Variants in PON2 observed in about 807,000 individuals in gnomAD.
PON2 encodes the protein serum paraoxonase/arylesterase 2.
PON2 carries 27 observed loss-of-function variants against 36.6 expected under a neutral mutation model. The observed-to-expected ratio is 0.74, with a 90% confidence interval of 0.54 to 1.02. PON2 has a LOEUF of 1.02. PON2 is among the 50% of genes least tolerant of loss of function. PON2 has a pLI of 0.00. For synonymous variants in PON2, 149 were observed against 156.3 expected (o/e 0.95, Z 0.35); for missense variants, 363 against 421.1 (o/e 0.86, Z 1.21).
chr7:95,415,970 A>T (rs920228671), intron 3 of PON2: 4 of 568,300 alleles, frequency 7.0e-6, no homozygotes, highest in African/African-American at 1.9e-5. Context: ...AAAAAAAATT[A>T]AAAAAGAAAA....
At chr7:95,410,218 A>G in intron 5 of PON2, 117 bp from the exon 6 acceptor site, 2 of 853,824 alleles carry the variant, frequency 2.3e-6, no homozygotes, top group South Asian at 1.5e-5. Flanking sequence ...TAAGAGGAAA[A>G]GACGAGCTAA....
At chr7:95,421,103 T>A (rs1450973643) in intron 2 of PON2, among the ~76,000 whole-genome samples, 1 of 152,194 alleles carries the variant, frequency 6.6e-6, no homozygotes, top group Non-Finnish European at 1.5e-5. Flanking sequence ...ATTTAACACT[T>A]CACAAGAGGG....
At chr7:95,409,548 T>G (rs1028379455) in intron 6 of PON2, 1 of 152,028 alleles carries the variant, frequency 6.6e-6, no homozygotes, top group Non-Finnish European at 1.5e-5. Flanking sequence ...TACCTGATAC[T>G]TCAATATGTA....
chr7:95,414,218 TA>T (rs1340580166), intron 3 of PON2, among the ~76,000 whole-genome samples: 8 of 152,152 alleles, frequency 5.3e-5, no homozygotes, highest in African/African-American at 1.7e-4. Flanking sequence ...CCTCAACCCA[TA>T]ACTGTAAAAT....
chr7:95,417,716 C>CACACAG (rs1554339543), intron 2 of PON2, among the ~76,000 whole-genome samples: 2,619 of 148,818 alleles, frequency 0.018, 81 homozygotes, highest in African/African-American at 0.061. Flanking sequence ...CACACACACA[C>CACACAG]ACACACACAC....
intron 6 of PON2, among the ~76,000 whole-genome samples, chr7:95,409,312 C>CA (rs1183278823): frequency 2.7e-5 from 4 of 147,036 alleles, no homozygotes; most frequent in East Asian, 4.0e-4. Flanking sequence ...ACTCCATCTC[C>CA]AAAAAACAAA....
chr7:95,423,321 C>CAAA (rs35269697), intron 2 of PON2, among the ~76,000 whole-genome samples: 3 of 71,120 alleles, frequency 4.2e-5, no homozygotes, highest in Admixed American at 1.6e-4. Flanking sequence ...GGCCACCTCT[C>CAAA]AAAAAAAAAA....
intron 2 of PON2, among the ~76,000 whole-genome samples, chr7:95,422,477 T>C (rs1789215729): frequency 6.6e-6 from 1 of 152,232 alleles, no homozygotes; most frequent in African/African-American, 2.4e-5. Flanking sequence ...GCACAAAAAA[T>C]ACTGTGCAGT....
chr7:95,423,543 T>C (rs991596076), intron 2 of PON2, among the ~76,000 whole-genome samples: 2 of 152,020 alleles, frequency 1.3e-5, no homozygotes, highest in African/African-American at 4.8e-5. Context: ...TCCCTCCTTA[T>C]CTATAGCAAA....
intron 5 of PON2, 51 bp downstream of exon 5, chr7:95,411,602 T>G (rs1788925828): frequency 6.2e-7 from 1 of 1,607,972 alleles, no homozygotes. Flanking sequence ...CCATAGGGAT[T>G]GTTTGCAAAT....
At position 95,424,596 on chromosome 7, in the gene PON2, G is replaced by GA. The variant is rs754815103; in HGVS notation, c.75-12dup. On this transcript the variant is annotated splice_polypyrimidine_tract_variant and intron_variant, in intron 1 of 8. Coordinates refer to ENST00000222572, the MANE Select transcript of PON2 (RefSeq NM_000305.3). ...GCTTTAAGTCGATTTCTGTTACAAA[G>GA]AAAAAAAAACAAAAAACAAAAAACT... 1.5e-3 allele frequency: 2,320 copies of GA among 1,551,150 alleles called. 1 individual carries two copies. The highest frequency in any genetic ancestry group is 1.7e-3 in the Non-Finnish European group (1,956 of 1,137,228).
In PON2 at chr7:95,434,835, G is replaced by A. The variant is rs202210583; in HGVS notation, c.74+43C>T. 1.3e-4 allele frequency: 192 copies of A among 1,529,114 alleles called. No individual in the cohort carries two copies. The Admixed American group carries it at 1.4e-3, about 11-fold the overall frequency. The allele number at this position is 1,529,114 out of a possible 1,614,324, so 94.7% of individuals were successfully genotyped here. Reference sequence around the variant, plus strand: ...TCCCCGCACCACGCGGCCACCCCGAGCCTGGGGACCGCCGAGGAGGGGCGC... The same window carrying A: ...TCCCCGCACCACGCGGCCACCCCGAACCTGGGGACCGCCGAGGAGGGGCGC... On this transcript the variant is annotated intron_variant, in intron 1 of 8. Transcript: ENST00000222572.
intron 1 of PON2, among the ~76,000 whole-genome samples, chr7:95,426,442 G>C (rs1371920997): frequency 6.6e-6 from 1 of 152,188 alleles, no homozygotes; most frequent in African/African-American, 2.4e-5. Context: ...AAACAACCCT[G>C]TAAATTAGGT....
chr7:95,414,923 G>T (rs2116472242), intron 3 of PON2, among the ~76,000 whole-genome samples: 1 of 152,258 alleles, frequency 6.6e-6, no homozygotes, highest in Middle Eastern at 3.4e-3. Flanking sequence ...TGCCTCAGTG[G>T]TAATAACCAG....
intron 5 of PON2, 68 bp downstream of exon 5, chr7:95,411,585 C>T (rs1380952410): frequency 1.8e-5 from 28 of 1,588,300 alleles, no homozygotes; most frequent in Non-Finnish European, 1.7e-6. Context: ...GATGACAGGA[C>T]AACCCACCAT....
chr7:95,432,260 A>C (rs1275987101), intron 1 of PON2, among the ~76,000 whole-genome samples: 1 of 152,160 alleles, frequency 6.6e-6, no homozygotes, highest in African/African-American at 2.4e-5. Context: ...AAATAAAAAT[A>C]CTAGCTGGGC....
chr7:95,424,857 G>A (rs1310434706), intron 1 of PON2, among the ~76,000 whole-genome samples: 1 of 151,826 alleles, frequency 6.6e-6, no homozygotes, highest in African/African-American at 2.4e-5. Context: ...AACTTATAAT[G>A]CAAGTTCCTA....
chr7:95,427,319 A>G (rs529670483), intron 1 of PON2, among the ~76,000 whole-genome samples: 13 of 152,176 alleles, frequency 8.5e-5, no homozygotes, highest in African/African-American at 3.1e-4. Flanking sequence ...CGGCTGACAA[A>G]ATTAACGCCA....
intron 1 of PON2, among the ~76,000 whole-genome samples, chr7:95,428,298 C>T (rs1013510088): frequency 9.9e-5 from 15 of 152,056 alleles, no homozygotes; most frequent in South Asian, 2.1e-4. Flanking sequence ...AAACAGTATC[C>T]GCTGGCTTCC....
Sources: allele counts gnomAD v4.1 joint callset (sites outside exome capture counted in the v4.1 genomes callset), GRCh38; gene constraint gnomAD v4.1.1; transcripts MANE v1.5; gene names NCBI Gene and HGNC (gene_info 2026-07-23, HGNC 2026-07-21).